The following DCAF5 variants were observed in gnomAD, a reference collection of about 807,000 sequenced individuals.
The protein encoded by DCAF5 is DDB1- and CUL4-associated factor 5.
DCAF5 carries 9 observed loss-of-function variants against 80.7 expected under a neutral mutation model. The observed-to-expected ratio is 0.11, with a 90% CI of 0.07 to 0.19. DCAF5 has a LOEUF of 0.19. Ranked by LOEUF, DCAF5 falls within the 10% of genes least tolerant of loss-of-function variation. The pLI is 1.00. For missense variants in DCAF5, 842 were observed against 1,205.7 expected, an observed-to-expected ratio of 0.70 and a Z score of 4.47; for synonymous variants, 433 against 461.9, an observed-to-expected ratio of 0.94 and a Z score of 0.80.
At chr14:69,145,177 C>T (rs2041501978) in intron 1 of DCAF5, among the ~76,000 whole-genome samples, 1 of 152,110 alleles carries the variant, frequency 6.6e-6, no homozygotes, top group South Asian at 2.1e-4. Flanking sequence ...GCCACCATAC[C>T]CAGCTAGTTT....
chr14:69,057,913 G>A (rs927047724), intron 8 of DCAF5, among the ~76,000 whole-genome samples: 3 of 152,160 alleles, frequency 2.0e-5, no homozygotes, highest in Admixed American at 6.5e-5. Flanking sequence ...CTGTGGCCCT[G>A]AGCAAATGAC....
intron 5 of DCAF5, 137 bp downstream of exon 5, chr14:69,116,227 TGA>T (rs2040540356): frequency 2.9e-6 from 3 of 1,020,696 alleles, no homozygotes; most frequent in Admixed American, 2.4e-5. Flanking sequence ...TCTCCTGGCT[TGA>T]GAGACACTAT....
chr14:69,072,623 TAAAAA>T (rs57781214), intron 7 of DCAF5, among the ~76,000 whole-genome samples: 28 of 116,450 alleles, frequency 2.4e-4, no homozygotes, highest in Middle Eastern at 4.3e-3. Context: ...ACCCTGACTT[TAAAAA>T]AAAAAAAAAA....
Position 69,054,999 on chromosome 14 carries a change from TG to T in DCAF5, c.1686del (p.Ser563AlafsTer12). 1 of 1,614,240 alleles carries T rather than the reference TG, an allele frequency of 6.2e-7. No individual in the cohort carries two copies. The highest frequency in any genetic ancestry group is 8.5e-7 in the Non-Finnish European group (1 of 1,180,040). ...TCATCCTCAGAGCTGCTAGAGCTGC[TG>T]GAACTGCTGGATTCATCTTCGGGGC... is the stretch of plus-strand genomic sequence containing the variant. ...SPSPEDESSS[S>X]SSSSSSEDEE... On this transcript the variant is annotated frameshift_variant, in exon 9 of 9. Coordinates refer to ENST00000341516, the MANE Select transcript of DCAF5 (RefSeq NM_003861.3). LOFTEE classifies it high-confidence loss of function.
rs188290282 is a variant in DCAF5 at position 69,051,083 on chromosome 14, G to A, written c.*2774C>T. 2.0e-5 allele frequency: 3 copies of A among 152,640 alleles called. No individual in the cohort carries two copies. Among genetic ancestry groups the A allele is most frequent in the Admixed American group, 1.3e-4 (2 of 15,294 alleles). The allele number at this position is 152,640 out of a possible 1,614,324, so 9.5% of individuals were successfully genotyped here. A position where few individuals can be genotyped will look rare whatever the true frequency, so the allele number is the denominator to read the frequency against. On this transcript the variant is annotated 3_prime_UTR_variant, in exon 9 of 9. Transcript: ENST00000341516. ...TAGTCACAAACTTCACTTGCCCCAA[G>A]CCAACAACTTAACTCATTTACCTGC...
At chr14:69,082,725 G>A (rs1285778409) in intron 6 of DCAF5, among the ~76,000 whole-genome samples, 2 of 152,184 alleles carry the variant, frequency 1.3e-5, no homozygotes, top group Non-Finnish European at 2.9e-5. Context: ...GTCCATATAT[G>A]AGTATTTATA....
chr14:69,123,785 A>G (rs891318610), intron 1 of DCAF5, among the ~76,000 whole-genome samples: 25 of 151,770 alleles, frequency 1.6e-4, no homozygotes, highest in African/African-American at 5.3e-4. Context: ...TGCAACCTCC[A>G]CCTCCCAGGT....
chr14:69,069,066 C>T (rs1343057751), intron 7 of DCAF5, among the ~76,000 whole-genome samples: 1 of 152,124 alleles, frequency 6.6e-6, no homozygotes, highest in Non-Finnish European at 1.5e-5. Flanking sequence ...CTACTTGCAA[C>T]CAATTAAAAA....
At chr14:69,060,455 C>T (rs2038163903) in intron 8 of DCAF5, among the ~76,000 whole-genome samples, 1 of 152,196 alleles carries the variant, frequency 6.6e-6, no homozygotes, top group South Asian at 2.1e-4. Context: ...CAGCTCTGAT[C>T]CACAAGACCA....
chr14:69,054,179 C>A lies in DCAF5; in HGVS notation c.2507G>T (p.Arg836Leu). 6.2e-7 allele frequency: 1 copy of A among 1,614,256 alleles called. No homozygotes were observed. Among genetic ancestry groups the A allele is most frequent in the South Asian group, 1.1e-5 (1 of 91,090 alleles). Residue 836 changes from arginine to leucine, a missense_variant, in exon 9 of 9, where the codon CGC becomes CTC. Coordinates refer to ENST00000341516, the MANE Select transcript of DCAF5 (RefSeq NM_003861.3). ...ETICANHNNG[R>L]LHPRPPHPHN... ...AGGGTGAGGGGGACGAGGGTGTAAG[C>A]GTCCATTGTTGTGGTTGGCACAGAT...
intron 1 of DCAF5, among the ~76,000 whole-genome samples, chr14:69,126,251 G>A (rs200876392): frequency 2.0e-5 from 3 of 150,020 alleles, no homozygotes; most frequent in Non-Finnish European, 4.4e-5. Context: ...TCTGCCTCCC[G>A]GGTTCAAGCA....
In DCAF5 at chr14:69,080,073, C is replaced by T. The variant is rs374185908; in HGVS notation, c.880-4662G>A. On this transcript the variant is annotated intron_variant, in intron 6 of 8. Coordinates refer to ENST00000341516, the MANE Select transcript of DCAF5 (RefSeq NM_003861.3). ...GTATTCCAGGAGAGCAGACAGAGTT[C>T]TGGCTATTTTAAAATATAAGGTAGC... Among the ~76,000 whole-genome samples, 3 of 152,102 alleles carry T rather than the reference C, an allele frequency of 2.0e-5. No individual in the cohort carries two copies. In the East Asian group the frequency reaches 5.8e-4, roughly 29 times the overall value.
intron 7 of DCAF5, among the ~76,000 whole-genome samples, chr14:69,065,442 C>T (rs1351326187): frequency 6.6e-6 from 1 of 152,066 alleles, no homozygotes; most frequent in Non-Finnish European, 1.5e-5. Flanking sequence ...CTTTTTTGCC[C>T]TTCTTTCCAC....
chr14:69,101,404 C>T (rs1051933809), intron 5 of DCAF5, among the ~76,000 whole-genome samples: 2 of 152,280 alleles, frequency 1.3e-5, no homozygotes, highest in East Asian at 1.9e-4. Flanking sequence ...AAGATGTTAC[C>T]GTTTCCATGA....
chr14:69,146,536 G>A (rs775326844), intron 1 of DCAF5, among the ~76,000 whole-genome samples: 3 of 152,062 alleles, frequency 2.0e-5, no homozygotes, highest in Non-Finnish European at 4.4e-5. Flanking sequence ...TCACAGGCAA[G>A]AGCATTTTTG....
At chr14:69,143,059 T>C (rs183061404) in intron 1 of DCAF5, among the ~76,000 whole-genome samples, 7 of 152,236 alleles carry the variant, frequency 4.6e-5, no homozygotes, top group Admixed American at 2.0e-4. Flanking sequence ...CTAGGTGAGG[T>C]GAGTGCTAGC....
intron 2 of DCAF5, among the ~76,000 whole-genome samples, chr14:69,121,616 T>C (rs779347146): frequency 1.3e-5 from 2 of 152,182 alleles, no homozygotes; most frequent in Non-Finnish European, 1.5e-5. Flanking sequence ...TTTAGATCTA[T>C]TGTATTTAAG....
intron 6 of DCAF5, chr14:69,085,232 C>A: frequency 1.4e-6 from 1 of 712,118 alleles, no homozygotes. Flanking sequence ...AAGGTGCCTC[C>A]CTTTGTTGAT....
intron 6 of DCAF5, among the ~76,000 whole-genome samples, chr14:69,079,920 C>T (rs1566736448): frequency 6.6e-6 from 1 of 151,948 alleles, no homozygotes; most frequent in Non-Finnish European, 1.5e-5. Context: ...ATAGGGAGTG[C>T]TGGGGGTTGG....
Sources: gnomAD v4.1 joint callset for allele counts (sites outside exome capture counted in the v4.1 genomes callset) on GRCh38, gnomAD v4.1.1 for gene constraint, MANE v1.5 for transcripts, NCBI Gene and HGNC (gene_info 2026-07-23, HGNC 2026-07-21) for gene names.